The following BAZ2B variants were observed in gnomAD, a reference collection of about 807,000 sequenced individuals.
The protein encoded by BAZ2B is bromodomain adjacent to zinc finger domain 2B.
A neutral mutation model predicts 246.0 loss-of-function variants in BAZ2B; 91 were observed. The observed-to-expected ratio is 0.37, with a 90% CI of 0.31 to 0.44. BAZ2B has a LOEUF of 0.44. Ranked by LOEUF, BAZ2B falls within the 20% of genes least tolerant of loss-of-function variation. The probability of loss-of-function intolerance (pLI) is 1.00; values close to 1 mark genes in which losing one functional copy is unlikely to be tolerated. For synonymous variants in BAZ2B, 855 were observed against 860.0 expected (o/e 0.99, Z 0.10); for missense variants, 2,332 against 2,533.7 (o/e 0.92, Z 1.71).
At chr2:159,503,011 A>T (rs1440041653) in intron 2 of BAZ2B, among the ~76,000 whole-genome samples, 1 of 152,172 alleles carries the variant, frequency 6.6e-6, no homozygotes, top group Non-Finnish European at 1.5e-5. Context: ...TACAATCCTG[A>T]ATCAGTTCTT....
chr2:159,464,194 C>A (rs2076762974), intron 3 of BAZ2B: 1 of 152,160 alleles, frequency 6.6e-6, no homozygotes. Context: ...AGAATTTATT[C>A]AGATTTAATT....
At chr2:159,365,984 A>G (rs1187148140) in intron 27 of BAZ2B, among the ~76,000 whole-genome samples, 1 of 152,182 alleles carries the variant, frequency 6.6e-6, no homozygotes, top group African/African-American at 2.4e-5. Flanking sequence ...GGGATTTGTT[A>G]TGCTTAACAT....
the BAZ2B span, chr2:159,689,462 C>T: frequency 4.3e-6 from 1 of 230,606 alleles, no homozygotes; most frequent in Non-Finnish European, 8.3e-6. Context: ...ACCTCTGCCT[C>T]CCAGGTTCAA....
the BAZ2B span, among the ~76,000 whole-genome samples, chr2:159,658,762 A>C: frequency 6.6e-6 from 1 of 151,890 alleles, no homozygotes. Flanking sequence ...TAGGCAATGC[A>C]CTCACTTTGG....
At chr2:159,460,965 A>AT (rs1283008591) in intron 3 of BAZ2B, 3 of 152,578 alleles carry the variant, frequency 2.0e-5, no homozygotes, top group Non-Finnish European at 4.4e-5. Context: ...CTATTAGACT[A>AT]TCTCATACAG....
chr2:159,689,668 G>T, the BAZ2B span: 1 of 320,480 alleles, frequency 3.1e-6, no homozygotes, highest in Non-Finnish European at 5.8e-6. Flanking sequence ...CACTGTTCCT[G>T]GCCAGCATTT....
intron 33 of BAZ2B, among the ~76,000 whole-genome samples, chr2:159,335,100 C>G (rs1359140835): frequency 6.6e-6 from 1 of 151,924 alleles, no homozygotes; most frequent in Non-Finnish European, 1.5e-5. Flanking sequence ...GTTTCTCTCT[C>G]TTTTTTAAAA....
At chr2:159,552,442 T>A (rs1260292774) in intron 2 of BAZ2B, among the ~76,000 whole-genome samples, 1 of 152,154 alleles carries the variant, frequency 6.6e-6, no homozygotes, top group Admixed American at 6.6e-5. Flanking sequence ...TAAAATTCTA[T>A]CACGAAGAGG....
intron 2 of BAZ2B, among the ~76,000 whole-genome samples, chr2:159,515,223 T>A (rs562799519): frequency 7.2e-4 from 110 of 152,144 alleles, no homozygotes; most frequent in Non-Finnish European, 6.6e-4. Flanking sequence ...ATAATACATA[T>A]ATACATACAT....
chr2:159,513,167 C>T (rs1025809379), intron 2 of BAZ2B, among the ~76,000 whole-genome samples: 3 of 152,132 alleles, frequency 2.0e-5, no homozygotes, highest in African/African-American at 7.2e-5. Flanking sequence ...GCAGATAGTA[C>T]AATTCATGAA....
At chr2:159,519,236 T>TTTTTTTTCA (rs1553692833) in intron 2 of BAZ2B, among the ~76,000 whole-genome samples, 1 of 70,612 alleles carries the variant, frequency 1.4e-5, no homozygotes, top group Non-Finnish European at 2.8e-5. Context: ...TTTTTTTTTT[T>TTTTTTTTCA]TTTTGAGACG....
intron 3 of BAZ2B, among the ~76,000 whole-genome samples, chr2:159,470,117 A>G (rs1487808261): frequency 6.6e-6 from 1 of 152,254 alleles, no homozygotes; most frequent in Non-Finnish European, 1.5e-5. Flanking sequence ...TTAATCCTTG[A>G]AATGCAAGAT....
chr2:159,349,654 G>T lies in BAZ2B; in HGVS notation c.4863+54C>A, dbSNP rs2058350490. 1.3e-5 allele frequency: 20 copies of T among 1,493,674 alleles called. No homozygotes were observed. In the South Asian group the frequency reaches 2.7e-4, roughly 20 times the overall value. 92.5% of individuals were successfully genotyped at this position (1,493,674 alleles called of 1,614,324 possible). ...CCCCCTTGAGCAAAAATCTCCATGG[G>T]GTCAAAGATTACATAAAGCAATATA... On this transcript the variant is annotated intron_variant, in intron 28 of 36. Coordinates refer to ENST00000392783, the MANE Select transcript of BAZ2B (RefSeq NM_013450.4).
Position 159,451,221 on chromosome 2 carries a change from G to C in BAZ2B, c.334+2392C>G, listed in dbSNP as rs1409687392. 2.0e-5 allele frequency among the ~76,000 whole-genome samples: 3 copies of C among 151,952 alleles called. No individual in the cohort carries two copies. The South Asian group carries it at 6.2e-4, about 31-fold the overall frequency. ...GTACAAATATTTTTTAAATTATCAT[G>C]AAATACTATTTCAATATAAAATGGA... On this transcript the variant is annotated intron_variant, in intron 4 of 36. Coordinates refer to ENST00000392783, the MANE Select transcript of BAZ2B (RefSeq NM_013450.4).
At chr2:159,442,146 G>C (rs1489197647) in intron 6 of BAZ2B, among the ~76,000 whole-genome samples, 2 of 152,124 alleles carry the variant, frequency 1.3e-5, no homozygotes, top group African/African-American at 4.8e-5. Context: ...GTGGGGAGTG[G>C]GGTGGGGTTT....
intron 1 of BAZ2B, among the ~76,000 whole-genome samples, chr2:159,583,818 G>C (rs1687404313): frequency 1.3e-5 from 2 of 152,196 alleles, no homozygotes; most frequent in Admixed American, 1.3e-4. Flanking sequence ...TTAAGGTAAA[G>C]AGTCATGTGG....
At chr2:159,406,539 C>T (rs955821157) in intron 14 of BAZ2B, among the ~76,000 whole-genome samples, 11 of 152,146 alleles carry the variant, frequency 7.2e-5, no homozygotes, top group Non-Finnish European at 1.5e-4. Context: ...CTGAATACTT[C>T]AAACTCTAAA....
chr2:159,425,278 T>C (rs1316887755), intron 13 of BAZ2B, among the ~76,000 whole-genome samples: 1 of 152,166 alleles, frequency 6.6e-6, no homozygotes, highest in South Asian at 2.1e-4. Flanking sequence ...CCTCCCAGGT[T>C]CAAGCAATTC....
rs954637927 is a variant in BAZ2B, at chr2:159,383,753, A to G, written c.3687-73T>C. The stretch of plus-strand genomic sequence containing the variant: ...CAATGCATTAATTTGATATGCAATA[A>G]ACTTGATACGTAAATTAATGCATTT... On this transcript the variant is annotated intron_variant, in intron 23 of 36. Transcript: ENST00000392783. 3 of 1,274,344 alleles carry G rather than the reference A, an allele frequency of 2.4e-6. No individual in the cohort carries two copies. In the African/African-American group the frequency reaches 4.5e-5, roughly 19 times the overall value. 78.9% of individuals were successfully genotyped at this position (1,274,344 alleles called of 1,614,324 possible). A position where few individuals can be genotyped will look rare whatever the true frequency, so the allele number is the denominator to read the frequency against.
Sources: allele counts gnomAD v4.1 joint callset (sites outside exome capture counted in the v4.1 genomes callset), GRCh38; gene constraint gnomAD v4.1.1; transcripts MANE v1.5; gene names NCBI Gene and HGNC (gene_info 2026-07-23, HGNC 2026-07-21).